The following GALNT13 variants were observed in gnomAD, a reference collection of about 807,000 sequenced individuals.
The protein encoded by GALNT13 is UDP-GalNAc:polypeptide N-acetylgalactosaminyltransferase 13.
In GALNT13, 28 loss-of-function variants were observed where a neutral mutation model predicts 64.2. The ratio of observed to expected loss-of-function variants is 0.44; its 90% CI spans 0.32 to 0.60. The LOEUF is 0.60. Ranked by LOEUF, GALNT13 falls within the 20% of genes least tolerant of loss-of-function variation. The pLI is 0.05. For synonymous variants in GALNT13, 214 were observed against 224.6 expected, an observed-to-expected ratio of 0.95 and a Z score of 0.42; for missense variants, 577 against 669.8, an observed-to-expected ratio of 0.86 and a Z score of 1.53.
the GALNT13 span, among the ~76,000 whole-genome samples, chr2:153,106,540 A>G: frequency 1.3e-5 from 2 of 152,176 alleles, no homozygotes; most frequent in Non-Finnish European, 2.9e-5. Context: ...AGGAATAAAA[A>G]TGATGCAGTC....
chr2:153,087,508 C>T, the GALNT13 span, among the ~76,000 whole-genome samples: 6 of 151,910 alleles, frequency 3.9e-5, no homozygotes, highest in African/African-American at 1.4e-4. Flanking sequence ...GATTTAGGGA[C>T]AATTTGTTCT....
chr2:153,604,472 T>A, the GALNT13 span, among the ~76,000 whole-genome samples: 1 of 152,078 alleles, frequency 6.6e-6, no homozygotes, highest in African/African-American at 2.4e-5. Context: ...GTCTCCTCCC[T>A]CAGTTATTTG....
chr2:153,083,992 G>C, the GALNT13 span, among the ~76,000 whole-genome samples: 2 of 152,148 alleles, frequency 1.3e-5, no homozygotes, highest in Non-Finnish European at 1.5e-5. Flanking sequence ...GTTGTATAGG[G>C]TGTTGTTTCT....
At chr2:153,996,677 A>G (rs912392895) in intron 3 of GALNT13, among the ~76,000 whole-genome samples, 2 of 152,104 alleles carry the variant, frequency 1.3e-5, no homozygotes, top group Non-Finnish European at 2.9e-5. Context: ...TTAGTTTTAC[A>G]TAATTTCATC....
At chr2:153,887,895 G>T (rs1687295912) in intron 1 of GALNT13, among the ~76,000 whole-genome samples, 1 of 151,896 alleles carries the variant, frequency 6.6e-6, no homozygotes. Context: ...GAATGAAAAA[G>T]ATGAAACATT....
chr2:153,368,509 A>G, the GALNT13 span, among the ~76,000 whole-genome samples: 1 of 152,160 alleles, frequency 6.6e-6, no homozygotes, highest in Admixed American at 6.6e-5. Context: ...ACACTATGAA[A>G]TAGAAAACTG....
At chr2:153,304,478 A>G in the GALNT13 span, among the ~76,000 whole-genome samples, 1 of 152,180 alleles carries the variant, frequency 6.6e-6, no homozygotes, top group African/African-American at 2.4e-5. Context: ...TTGAAAATTG[A>G]TGCTTAAACT....
At chr2:153,552,507 A>G in the GALNT13 span, among the ~76,000 whole-genome samples, 1 of 151,692 alleles carries the variant, frequency 6.6e-6, no homozygotes, top group Non-Finnish European at 1.5e-5. Context: ...GTTTACAAAC[A>G]TAGATGCAGG....
chr2:153,679,518 T>C, the GALNT13 span, among the ~76,000 whole-genome samples: 2 of 151,938 alleles, frequency 1.3e-5, no homozygotes, highest in African/African-American at 4.8e-5. Flanking sequence ...GCATAGTACG[T>C]GTGTTTCATT....
chr2:153,891,282 A>G (rs1687534682), intron 1 of GALNT13, among the ~76,000 whole-genome samples: 1 of 152,062 alleles, frequency 6.6e-6, no homozygotes, highest in Non-Finnish European at 1.5e-5. Flanking sequence ...GATTTAGGTC[A>G]GTCAAATTTT....
the GALNT13 span, among the ~76,000 whole-genome samples, chr2:153,407,033 CAAT>C: frequency 6.6e-6 from 1 of 151,964 alleles, no homozygotes; most frequent in Non-Finnish European, 1.5e-5. Flanking sequence ...ACAATTAAAA[CAAT>C]AAATATATAA....
chr2:154,429,000 T>C (rs1431493690), intron 11 of GALNT13, among the ~76,000 whole-genome samples: 1 of 152,122 alleles, frequency 6.6e-6, no homozygotes. Flanking sequence ...ATGAATGTTG[T>C]GTGTATTCTG....
chr2:153,624,414 T>C, the GALNT13 span, among the ~76,000 whole-genome samples: 1 of 152,098 alleles, frequency 6.6e-6, no homozygotes, highest in Non-Finnish European at 1.5e-5. Flanking sequence ...TTTTGGATAA[T>C]GGAATACAAA....
chr2:154,045,924 T>C (rs1453796960), intron 3 of GALNT13, among the ~76,000 whole-genome samples: 1 of 152,046 alleles, frequency 6.6e-6, no homozygotes, highest in East Asian at 1.9e-4. Flanking sequence ...TTTCTCTGTC[T>C]AGTAAGTCTT....
At chr2:154,267,135 A>G (rs1403347688) in intron 8 of GALNT13, among the ~76,000 whole-genome samples, 2 of 152,024 alleles carry the variant, frequency 1.3e-5, no homozygotes, top group Non-Finnish European at 1.5e-5. Context: ...GAACAACTGA[A>G]TGTCTATGTG....
chr2:153,101,422 G>A, the GALNT13 span, among the ~76,000 whole-genome samples: 1 of 152,142 alleles, frequency 6.6e-6, no homozygotes. Flanking sequence ...ACCAACTCCA[G>A]GAATGTCAGG....
the GALNT13 span, among the ~76,000 whole-genome samples, chr2:153,146,657 A>G: frequency 1.3e-5 from 2 of 151,996 alleles, no homozygotes; most frequent in South Asian, 4.1e-4. Flanking sequence ...TTCTTGAATC[A>G]GAGAGGCTTG....
chr2:154,327,576 T>C (rs1452328779), intron 9 of GALNT13, among the ~76,000 whole-genome samples: 1 of 152,108 alleles, frequency 6.6e-6, no homozygotes, highest in African/African-American at 2.4e-5. Context: ...CACTTTTATT[T>C]GGATGGAGTA....
At chr2:153,336,210 A>G in the GALNT13 span, among the ~76,000 whole-genome samples, 2 of 152,166 alleles carry the variant, frequency 1.3e-5, no homozygotes, top group African/African-American at 2.4e-5. Context: ...CTCCACACAG[A>G]GTCCTTATTG....
Sources: gnomAD v4.1 joint callset for allele counts (sites outside exome capture counted in the v4.1 genomes callset) on GRCh38, gnomAD v4.1.1 for gene constraint, MANE v1.5 for transcripts, NCBI Gene and HGNC (gene_info 2026-07-23, HGNC 2026-07-21) for gene names.